Variants in GRID2 observed in about 807,000 individuals in gnomAD.
The protein encoded by GRID2 is glutamate receptor ionotropic, delta-2.
A neutral mutation model predicts 114.8 loss-of-function variants in GRID2; 33 were observed. The ratio of observed to expected loss-of-function variants is 0.29; its 90% confidence interval spans 0.22 to 0.38. The LOEUF (loss-of-function observed/expected upper bound fraction) is 0.38. Among genes scored for constraint, GRID2 ranks in the 10% least tolerant of loss-of-function variants. GRID2 has a pLI of 1.00. For missense variants in GRID2, 1,184 were observed against 1,257.7 expected (o/e 0.94, Z 0.89); for synonymous variants, 505 against 449.9 (o/e 1.12, Z -1.55).
intron 13 of GRID2, among the ~76,000 whole-genome samples, chr4:93,587,261 A>T (rs2149604434): frequency 6.6e-6 from 1 of 152,284 alleles, no homozygotes; most frequent in Admixed American, 6.5e-5. Context: ...CAATTTTATT[A>T]AAATGCAGTT....
chr4:92,548,415 T>TTTTTTTTTTTTTTTTTTTTTTTC, intron 1 of GRID2, among the ~76,000 whole-genome samples: 1 of 138,900 alleles, frequency 7.2e-6, no homozygotes, highest in Non-Finnish European at 1.5e-5. Context: ...TTTTTTTTTT[T>TTTTTTTTTTTTTTTTTTTTTTTC]TTTTGAGACA....
chr4:92,919,730 T>A (rs1471113270), intron 2 of GRID2, among the ~76,000 whole-genome samples: 2 of 152,206 alleles, frequency 1.3e-5, no homozygotes, highest in Non-Finnish European at 2.9e-5. Flanking sequence ...TTTGTTATAA[T>A]TTCTGTTCTG....
At chr4:92,797,834 G>A (rs778569649) in intron 2 of GRID2, among the ~76,000 whole-genome samples, 1 of 151,630 alleles carries the variant, frequency 6.6e-6, no homozygotes, top group African/African-American at 2.4e-5. Flanking sequence ...GTTGTTCAAG[G>A]GCCAACTATA....
chr4:93,767,684 C>T (rs1733781311), intron 14 of GRID2, among the ~76,000 whole-genome samples: 2 of 152,142 alleles, frequency 1.3e-5, no homozygotes, highest in Non-Finnish European at 2.9e-5. Context: ...GACCCAACTT[C>T]CAATGCACAA....
chr4:92,649,911 G>A (rs1731841879), intron 2 of GRID2, among the ~76,000 whole-genome samples: 1 of 151,918 alleles, frequency 6.6e-6, no homozygotes, highest in Non-Finnish European at 1.5e-5. Flanking sequence ...ATATTATTAA[G>A]TCAGAAGTTC....
chr4:92,659,897 C>A (rs979748852), intron 2 of GRID2, among the ~76,000 whole-genome samples: 2 of 151,380 alleles, frequency 1.3e-5, no homozygotes, highest in Non-Finnish European at 3.0e-5. Context: ...ACATTCTTTC[C>A]TCGGATAACG....
intron 11 of GRID2, among the ~76,000 whole-genome samples, chr4:93,486,239 A>T (rs1199978214): frequency 6.6e-6 from 1 of 151,646 alleles, no homozygotes; most frequent in Non-Finnish European, 1.5e-5. Flanking sequence ...TATTAATTTT[A>T]GTAATTTATC....
chr4:92,345,834 G>A (rs771750511), intron 1 of GRID2, among the ~76,000 whole-genome samples: 2 of 152,106 alleles, frequency 1.3e-5, no homozygotes, highest in Non-Finnish European at 2.9e-5. Flanking sequence ...TTGAAAGTAA[G>A]CATCGTTAGC....
chr4:92,704,633 G>T (rs1049487806), intron 2 of GRID2, among the ~76,000 whole-genome samples: 4 of 151,806 alleles, frequency 2.6e-5, no homozygotes, highest in Non-Finnish European at 4.4e-5. Context: ...CTTTCTTTAC[G>T]TGTAGAATTG....
intron 2 of GRID2, among the ~76,000 whole-genome samples, chr4:93,082,497 G>C (rs1365668401): frequency 1.3e-5 from 2 of 152,100 alleles, no homozygotes; most frequent in Non-Finnish European, 2.9e-5. Flanking sequence ...CACTCTCTAT[G>C]AGAAACCTGA....
At chr4:93,746,199 C>T (rs559567037) in intron 14 of GRID2, among the ~76,000 whole-genome samples, 100 of 152,080 alleles carry the variant, frequency 6.6e-4, no homozygotes, top group Non-Finnish European at 1.2e-3. Flanking sequence ...AAGGCTAAGT[C>T]ACTAAATATT....
intron 2 of GRID2, among the ~76,000 whole-genome samples, chr4:92,804,314 G>A (rs931646438): frequency 6.6e-5 from 10 of 151,982 alleles, no homozygotes; most frequent in South Asian, 6.2e-4. Context: ...TCAAAGGATG[G>A]ATATAATTCA....
intron 1 of GRID2, among the ~76,000 whole-genome samples, chr4:92,341,832 A>G (rs527262201): frequency 6.6e-6 from 1 of 151,496 alleles, no homozygotes; most frequent in East Asian, 2.0e-4. Flanking sequence ...GGAGAATGGC[A>G]TGAACTCGGG....
intron 2 of GRID2, among the ~76,000 whole-genome samples, chr4:92,709,989 T>A (rs1735163066): frequency 6.6e-6 from 1 of 152,152 alleles, no homozygotes; most frequent in Admixed American, 6.5e-5. Flanking sequence ...AATACAAATT[T>A]GATTATCTAA....
chr4:93,120,912 C>T (rs1304127920), intron 4 of GRID2, among the ~76,000 whole-genome samples: 2 of 152,004 alleles, frequency 1.3e-5, no homozygotes, highest in East Asian at 1.9e-4. Flanking sequence ...GAGATTGCGC[C>T]ACTGCACTCC....
chr4:93,751,101 T>C lies in GRID2; in HGVS notation c.2361-18109T>C, dbSNP rs559611256. Reference sequence around the variant, plus strand: ...CATTCTTCTTAAATTCCCAGAAGCTTATATAAATGAAAATGCACTGACATT... The same window carrying C: ...CATTCTTCTTAAATTCCCAGAAGCTCATATAAATGAAAATGCACTGACATT... On this transcript the variant is annotated intron_variant, in intron 14 of 15. Coordinates refer to ENST00000282020, the MANE Select transcript of GRID2 (RefSeq NM_001510.4). Among the ~76,000 whole-genome samples, 36 of 152,312 alleles carry C rather than the reference T, an allele frequency of 2.4e-4. No homozygotes were observed. The South Asian group carries it at 6.8e-3, about 29-fold the overall frequency.
At chr4:93,539,478 T>C (rs1732437811) in intron 13 of GRID2, among the ~76,000 whole-genome samples, 1 of 152,028 alleles carries the variant, frequency 6.6e-6, no homozygotes, top group Non-Finnish European at 1.5e-5. Flanking sequence ...TCTATCGATA[T>C]GGTAAAAGAT....
chr4:93,619,183 G>A (rs112910157), intron 13 of GRID2, among the ~76,000 whole-genome samples: 22 of 152,214 alleles, frequency 1.4e-4, no homozygotes, highest in African/African-American at 5.3e-4. Context: ...AACAATTAAG[G>A]TAGCAGTAAA....
chr4:92,482,369 T>C (rs1168180824), intron 1 of GRID2, among the ~76,000 whole-genome samples: 2 of 151,912 alleles, frequency 1.3e-5, no homozygotes, highest in Non-Finnish European at 2.9e-5. Context: ...AAACTACTTA[T>C]TGGGTACTAT....
Sources: allele counts gnomAD v4.1 joint callset (sites outside exome capture counted in the v4.1 genomes callset), GRCh38; gene constraint gnomAD v4.1.1; transcripts MANE v1.5; gene names NCBI Gene and HGNC (gene_info 2026-07-23, HGNC 2026-07-21).